The following ABCA13 variants were observed in gnomAD, a reference collection of about 807,000 sequenced individuals.
ABCA13 encodes ATP-binding cassette sub-family A member 13.
ABCA13 carries 476 observed loss-of-function variants against 478.7 expected under a neutral mutation model. The ratio of observed to expected loss-of-function variants is 0.99; its 90% CI spans 0.92 to 1.07. The LOEUF is 1.07. ABCA13 is among the 50% of genes least tolerant of loss of function. The probability of loss-of-function intolerance (pLI) is 0.00; values close to 1 mark genes in which losing one functional copy is unlikely to be tolerated. For synonymous variants in ABCA13, 2,252 were observed against 2,158.9 expected (o/e 1.04, Z -1.20); for missense variants, 6,060 against 5,910.6 (o/e 1.03, Z -0.83).
intron 23 of ABCA13, among the ~76,000 whole-genome samples, chr7:48,304,542 G>T (rs1184304766): frequency 6.6e-6 from 1 of 151,880 alleles, no homozygotes; most frequent in Non-Finnish European, 1.5e-5. Context: ...GAATCTCCTT[G>T]TGGTTTTGAC....
At chr7:48,331,905 C>T (rs936139800) in intron 27 of ABCA13, among the ~76,000 whole-genome samples, 4 of 152,158 alleles carry the variant, frequency 2.6e-5, no homozygotes, top group Non-Finnish European at 5.9e-5. Context: ...ACCACTCCCC[C>T]GCAAGTCCCT....
chr7:48,484,523 C>A (rs1829098069), intron 47 of ABCA13, among the ~76,000 whole-genome samples: 1 of 152,176 alleles, frequency 6.6e-6, no homozygotes, highest in Admixed American at 6.5e-5. Context: ...ACTTTTTAGT[C>A]TATCCCAATC....
intron 45 of ABCA13, among the ~76,000 whole-genome samples, chr7:48,473,067 C>T (rs1827684125): frequency 6.6e-6 from 1 of 152,136 alleles, no homozygotes; most frequent in Non-Finnish European, 1.5e-5. Flanking sequence ...AAATGGGTTT[C>T]CCCTTATCAA....
intron 7 of ABCA13, among the ~76,000 whole-genome samples, chr7:48,232,267 G>C (rs1343880444): frequency 6.7e-6 from 1 of 148,310 alleles, no homozygotes; most frequent in African/African-American, 2.5e-5. Flanking sequence ...AAAACCCAGA[G>C]GTGGGGTGCG....
chr7:48,506,730 G>A (rs182029942), intron 49 of ABCA13, among the ~76,000 whole-genome samples: 3 of 152,140 alleles, frequency 2.0e-5, no homozygotes, highest in Non-Finnish European at 2.9e-5. Flanking sequence ...TTGCATTCAT[G>A]TACATAAACA....
At chr7:48,244,281 C>T (rs1791333810) in intron 10 of ABCA13, among the ~76,000 whole-genome samples, 1 of 152,076 alleles carries the variant, frequency 6.6e-6, no homozygotes, top group African/African-American at 2.4e-5. Flanking sequence ...GTTTTTAGAC[C>T]CCATGTGAAA....
At chr7:48,443,645 T>G (rs1011011102) in intron 42 of ABCA13, among the ~76,000 whole-genome samples, 8 of 152,186 alleles carry the variant, frequency 5.3e-5, no homozygotes, top group Non-Finnish European at 1.0e-4. Flanking sequence ...GGCTCTATAG[T>G]AGATTCTTAG....
At chr7:48,310,551 G>T (rs544626514) in intron 24 of ABCA13, among the ~76,000 whole-genome samples, 14 of 152,138 alleles carry the variant, frequency 9.2e-5, no homozygotes, top group African/African-American at 3.4e-4. Flanking sequence ...TGAGCGGCCC[G>T]AGTTAGGTGC....
chr7:48,607,156 C>A (rs370356931), intron 58 of ABCA13, among the ~76,000 whole-genome samples: 5 of 152,168 alleles, frequency 3.3e-5, no homozygotes, highest in Non-Finnish European at 7.3e-5. Context: ...GGGGGTGGGA[C>A]CCGCTGAGCC....
intron 28 of ABCA13, among the ~76,000 whole-genome samples, chr7:48,336,662 A>G (rs1806312371): frequency 6.6e-6 from 1 of 152,236 alleles, no homozygotes; most frequent in South Asian, 2.1e-4. Flanking sequence ...GCGTGGCCTC[A>G]GGGCAAAGTG....
intron 15 of ABCA13, among the ~76,000 whole-genome samples, chr7:48,259,526 A>G (rs1793872016): frequency 6.6e-6 from 1 of 151,962 alleles, no homozygotes; most frequent in Admixed American, 6.6e-5. Context: ...TTGAAGACAC[A>G]TATGGCGTCT....
At chr7:48,283,528 A>G (rs1290396104) in intron 19 of ABCA13, among the ~76,000 whole-genome samples, 1 of 152,108 alleles carries the variant, frequency 6.6e-6, no homozygotes, top group Non-Finnish European at 1.5e-5. Flanking sequence ...AGGGTTTAGG[A>G]AACATACTGA....
chr7:48,485,671 G>T (rs541861750), intron 47 of ABCA13, among the ~76,000 whole-genome samples: 1 of 152,308 alleles, frequency 6.6e-6, no homozygotes, highest in South Asian at 2.1e-4. Context: ...TTGCCAAAAT[G>T]ATGCTATGTA....
At chr7:48,300,658 G>A (rs1269692840) in intron 23 of ABCA13, among the ~76,000 whole-genome samples, 2 of 152,192 alleles carry the variant, frequency 1.3e-5, no homozygotes, top group East Asian at 3.9e-4. Flanking sequence ...GCAGATGCAT[G>A]GATACCATCT....
intron 31 of ABCA13, among the ~76,000 whole-genome samples, chr7:48,359,046 T>G (rs984419265): frequency 4.6e-5 from 7 of 152,010 alleles, no homozygotes; most frequent in African/African-American, 1.7e-4. Flanking sequence ...CGCAGGACCT[T>G]GGGCCAGTTT....
At chr7:48,584,819 A>G (rs1428274005) in intron 56 of ABCA13, among the ~76,000 whole-genome samples, 1 of 152,198 alleles carries the variant, frequency 6.6e-6, no homozygotes, top group African/African-American at 2.4e-5. Flanking sequence ...CAATCAGCTT[A>G]TGGTAAAATT....
chr7:48,244,651 G>A lies in ABCA13; in HGVS notation c.1338G>A (p.Gln446=). The stretch of plus-strand genomic sequence containing the variant: ...GGCCGGCACTGAAGAGATTTCTTCA[G>A]CTTGATGGAGCTCTCAGAAATGCGA... ...PQWPALKRFL[Q]LDGALRNAIA... The change falls in exon 11 of 62, where the codon CAG becomes CAA. Residue 446 remains glutamine, a synonymous_variant. Transcript: ENST00000435803. 6.2e-7 allele frequency: 1 copy of A among 1,611,702 alleles called. No homozygotes were observed. Among genetic ancestry groups the A allele is most frequent in the Non-Finnish European group, 8.5e-7 (1 of 1,178,702 alleles).
At chr7:48,579,302 T>G (rs1788478690) in intron 55 of ABCA13, among the ~76,000 whole-genome samples, 1 of 152,068 alleles carries the variant, frequency 6.6e-6, no homozygotes, top group African/African-American at 2.4e-5. Context: ...AACACAGAGT[T>G]AAAACATGGG....
At chr7:48,251,643 T>A (rs551732957) in intron 15 of ABCA13, among the ~76,000 whole-genome samples, 59 of 151,900 alleles carry the variant, frequency 3.9e-4, no homozygotes, top group South Asian at 2.9e-3. Context: ...AAACGGAATT[T>A]AAAAAAAATA....
Sources: gnomAD v4.1 joint callset for allele counts (sites outside exome capture counted in the v4.1 genomes callset) on GRCh38, gnomAD v4.1.1 for gene constraint, MANE v1.5 for transcripts, NCBI Gene and HGNC (gene_info 2026-07-23, HGNC 2026-07-21) for gene names.